NRG1: variants seen among roughly 807,000 people sequenced by gnomAD.
The protein encoded by NRG1 is neuregulin 1.
Under a neutral mutation model 63.8 loss-of-function variants are expected in NRG1, and 18 were observed. The observed-to-expected ratio is 0.28, with a 90% CI of 0.19 to 0.42. The LOEUF (loss-of-function observed/expected upper bound fraction) is 0.42. Among genes scored for constraint, NRG1 ranks in the 10% least tolerant of loss-of-function variants. The pLI is 1.00. For synonymous variants in NRG1, 302 were observed against 301.3 expected, an observed-to-expected ratio of 1.00 and a Z score of -0.02; for missense variants, 762 against 814.7, an observed-to-expected ratio of 0.94 and a Z score of 0.79.
chr8:32,577,148 A>G (rs67592140), intron 1 of NRG1, among the ~76,000 whole-genome samples: 14,326 of 152,220 alleles, frequency 0.094, 1,809 homozygotes, highest in East Asian at 0.58. Context: ...CACAGGATGC[A>G]GTTTCATTCC....
intron 1 of NRG1, among the ~76,000 whole-genome samples, chr8:31,975,285 T>C (rs1807979850): frequency 6.6e-6 from 1 of 152,016 alleles, no homozygotes; most frequent in East Asian, 1.9e-4. Flanking sequence ...GAAGCTCAGA[T>C]CCCCGTGTCT....
At chr8:32,536,702 C>G (rs1412665240) in intron 1 of NRG1, among the ~76,000 whole-genome samples, 1 of 150,994 alleles carries the variant, frequency 6.6e-6, no homozygotes, top group Non-Finnish European at 1.5e-5. Context: ...GCAGGTGGAT[C>G]ACGAGATCAG....
chr8:32,342,524 T>C (rs1402408863), intron 1 of NRG1, among the ~76,000 whole-genome samples: 2 of 152,196 alleles, frequency 1.3e-5, no homozygotes, highest in Admixed American at 6.5e-5. Flanking sequence ...AATCAAGTTT[T>C]CACAGCTGAT....
chr8:31,733,706 A>G (rs1814352040), intron 1 of NRG1, among the ~76,000 whole-genome samples: 1 of 152,162 alleles, frequency 6.6e-6, no homozygotes, highest in Non-Finnish European at 1.5e-5. Flanking sequence ...TGGCAAACCC[A>G]GTTGCCATCC....
In NRG1 at chr8:32,211,663, C is replaced by T. The variant is rs144522362; in HGVS notation, c.38-384165C>T. Among the ~76,000 whole-genome samples, 1,036 of 152,222 alleles carry T rather than the reference C, an allele frequency of 6.8e-3. 12 individuals carry two copies. The highest frequency in any genetic ancestry group is 0.024 in the African/African-American group (998 of 41,530). Reference sequence around the variant, plus strand: ...ATTACCAGTGAACTTGAACATCTTTCCATATTTTTATTTATGTTTAACATC... The same window carrying T: ...ATTACCAGTGAACTTGAACATCTTTTCATATTTTTATTTATGTTTAACATC... On this transcript the variant is annotated intron_variant, in intron 1 of 10. Coordinates refer to the NRG1 transcript ENST00000519301.
chr8:32,717,376 T>C (rs1234466082), intron 5 of NRG1, among the ~76,000 whole-genome samples: 1 of 152,230 alleles, frequency 6.6e-6, no homozygotes, highest in East Asian at 1.9e-4. Flanking sequence ...TAGATTTTCA[T>C]GTGTTATTTG....
chr8:32,601,684 A>G (rs1427092556), intron 2 of NRG1, among the ~76,000 whole-genome samples: 1 of 151,962 alleles, frequency 6.6e-6, no homozygotes, highest in Non-Finnish European at 1.5e-5. Flanking sequence ...TCTAGGCCCT[A>G]TTCAATTCTG....
chr8:31,919,107 G>A (rs1221646663), intron 1 of NRG1, among the ~76,000 whole-genome samples: 1 of 151,360 alleles, frequency 6.6e-6, no homozygotes, highest in Non-Finnish European at 1.5e-5. Flanking sequence ...TTCTTTATTA[G>A]TCTTGCTAGC....
chr8:32,548,914 C>G (rs1371245965), intron 1 of NRG1, 88 bp downstream of exon 1: 12 of 1,435,462 alleles, frequency 8.4e-6, no homozygotes, highest in Non-Finnish European at 9.2e-6. Context: ...CCTCTCCCTC[C>G]CCCTCTCCCT....
intron 3 of NRG1, among the ~76,000 whole-genome samples, chr8:32,611,725 C>G (rs1172736049): frequency 1.3e-5 from 2 of 151,868 alleles, no homozygotes; most frequent in Non-Finnish European, 2.9e-5. Flanking sequence ...ATCACTTGAT[C>G]AAAATTTTTG....
chr8:31,799,427 T>C (rs1347308127), intron 1 of NRG1, among the ~76,000 whole-genome samples: 1 of 152,118 alleles, frequency 6.6e-6, no homozygotes, highest in Non-Finnish European at 1.5e-5. Context: ...TTAAAATAAA[T>C]TCTCATAATG....
At chr8:31,856,949 T>A (rs2129609870) in intron 1 of NRG1, among the ~76,000 whole-genome samples, 1 of 152,244 alleles carries the variant, frequency 6.6e-6, no homozygotes, top group East Asian at 1.9e-4. Flanking sequence ...AGGGACCCAC[T>A]TGAGGAGGCA....
chr8:32,517,731 C>T (rs2129504472), intron 1 of NRG1, among the ~76,000 whole-genome samples: 1 of 152,180 alleles, frequency 6.6e-6, no homozygotes, highest in South Asian at 2.1e-4. Context: ...TAATGAAATG[C>T]TATTTATTAT....
intron 1 of NRG1, among the ~76,000 whole-genome samples, chr8:31,923,199 T>G (rs1393951): frequency 1.0e-3 from 155 of 152,344 alleles, no homozygotes; most frequent in African/African-American, 3.4e-3. Context: ...CAAATAGTTT[T>G]TTTTAAATCA....
rs559606405 is a variant in NRG1 at position 31,756,960 on chromosome 8, C to T, written c.37+117529C>T. Among the ~76,000 whole-genome samples the T allele has an allele frequency of 1.1e-4, 17 of 152,204 alleles. No individual in the cohort carries two copies. The South Asian group carries it at 3.3e-3, about 30-fold the overall frequency. ...GGTATTAGCAATACATTAACCAAAC[C>T]GTTGAAGACAAGGGGCCAGACATAT... On this transcript the variant is annotated intron_variant, in intron 1 of 10. Coordinates refer to the NRG1 transcript ENST00000519301.
chr8:32,567,416 T>C (rs1837656407), intron 1 of NRG1, among the ~76,000 whole-genome samples: 1 of 152,228 alleles, frequency 6.6e-6, no homozygotes, highest in South Asian at 2.1e-4. Context: ...GTTTTGCCAA[T>C]GCATCAAAAA....
chr8:32,277,292 G>A (rs1244628107), intron 1 of NRG1, among the ~76,000 whole-genome samples: 2 of 151,864 alleles, frequency 1.3e-5, no homozygotes, highest in Non-Finnish European at 2.9e-5. Context: ...TTATATTTAG[G>A]GAAATATTTT....
At chr8:32,252,813 C>T (rs947203237) in intron 1 of NRG1, among the ~76,000 whole-genome samples, 8 of 152,146 alleles carry the variant, frequency 5.3e-5, no homozygotes, top group African/African-American at 9.7e-5. Context: ...GATATTGATT[C>T]TTCCTATCCA....
At chr8:32,350,499 A>AT (rs1805463691) in intron 1 of NRG1, among the ~76,000 whole-genome samples, 1 of 152,138 alleles carries the variant, frequency 6.6e-6, no homozygotes, top group African/African-American at 2.4e-5. Flanking sequence ...ACCTTGGCTT[A>AT]TATTTATTTA....
Sources: gnomAD v4.1 joint callset for allele counts (sites outside exome capture counted in the v4.1 genomes callset) on GRCh38, gnomAD v4.1.1 for gene constraint, MANE v1.5 for transcripts, NCBI Gene and HGNC (gene_info 2026-07-23, HGNC 2026-07-21) for gene names.